The following PITPNC1 variants were observed in gnomAD, a reference collection of about 807,000 sequenced individuals.
PITPNC1 encodes cytoplasmic phosphatidylinositol transfer protein 1.
A neutral mutation model predicts 44.7 loss-of-function variants in PITPNC1; 18 were observed. The ratio of observed to expected loss-of-function variants is 0.40; its 90% CI spans 0.28 to 0.60. The LOEUF is 0.60. PITPNC1 is among the 20% of genes least tolerant of loss of function. The probability of loss-of-function intolerance (pLI) is 0.39; values close to 1 mark genes in which losing one functional copy is unlikely to be tolerated. For synonymous variants in PITPNC1, 141 were observed against 149.6 expected (o/e 0.94, Z 0.42); for missense variants, 290 against 418.4 (o/e 0.69, Z 2.68).
At chr17:67,691,102 CAAATAAATAAAT>C (rs71864063) in intron 8 of PITPNC1, among the ~76,000 whole-genome samples, 16 of 149,094 alleles carry the variant, frequency 1.1e-4, no homozygotes, top group South Asian at 4.3e-4. Context: ...GACTCTATCT[CAAATAAATAAAT>C]AAATAAATAA....
intron 1 of PITPNC1, chr17:67,378,864 G>C: frequency 4.4e-6 from 2 of 456,066 alleles, no homozygotes; most frequent in Non-Finnish European, 5.8e-6. Flanking sequence ...CGCGCGAGCC[G>C]GGAGCGGCGG....
At chr17:67,560,845 G>C (rs948025933) in intron 4 of PITPNC1, among the ~76,000 whole-genome samples, 1 of 152,190 alleles carries the variant, frequency 6.6e-6, no homozygotes, top group East Asian at 1.9e-4. Flanking sequence ...TTTTAAAATT[G>C]TTTGCATTTT....
chr17:67,498,897 A>T (rs1598745471), intron 1 of PITPNC1, among the ~76,000 whole-genome samples: 2 of 136,552 alleles, frequency 1.5e-5, no homozygotes, highest in Non-Finnish European at 3.1e-5. Context: ...TTTGAGATGG[A>T]GTCTTGCTCT....
Position 67,617,563 on chromosome 17 carries a change from C to G in PITPNC1, c.367-14580C>G, listed in dbSNP as rs141600918. On this transcript the variant is annotated intron_variant, in intron 5 of 8. Transcript: ENST00000581322. Reference sequence around the variant, plus strand: ...TAATAGTTTCCCAGGGCCGCCAAAACAAATCATCACAAATTGGGTGGTTTG... The same window carrying G: ...TAATAGTTTCCCAGGGCCGCCAAAAGAAATCATCACAAATTGGGTGGTTTG... Among the ~76,000 whole-genome samples the G allele has an allele frequency of 3.8e-3, 571 of 152,260 alleles. 2 individuals carry two copies. The highest frequency in any genetic ancestry group is 9.3e-3 in the South Asian group (45 of 4,822).
At position 67,692,601 on chromosome 17, in the gene PITPNC1, G is replaced by A; in HGVS notation, c.712G>A (p.Glu238Lys). ...GACAATGGATGAAGTCCGAGAATTT[G>A]AACGAGCCACTCAGGAAGCCACCAA... is the stretch of plus-strand genomic sequence containing the variant. ...DMTMDEVREF[E>K]RATQEATNKK... Residue 238 changes from glutamate (E) to lysine (K), a missense_variant, in exon 9 of 9, where the codon GAA becomes AAA. Glu to Lys is a moderately conservative substitution (Grantham distance 56). Transcript: ENST00000581322. 6.2e-7 allele frequency: 1 copy of A among 1,613,528 alleles called. No homozygotes were observed. Among genetic ancestry groups the A allele is most frequent in the Non-Finnish European group, 8.5e-7 (1 of 1,179,572 alleles).
At chr17:67,621,453 G>C (rs2642038) in intron 5 of PITPNC1, among the ~76,000 whole-genome samples, 6,415 of 152,060 alleles carry the variant, frequency 0.042, 307 homozygotes, top group African/African-American at 0.11. Context: ...AGTGATCCAC[G>C]TGCCTTGGCC....
chr17:67,477,329 C>G (rs1383483540), intron 1 of PITPNC1, among the ~76,000 whole-genome samples: 2 of 151,408 alleles, frequency 1.3e-5, no homozygotes, highest in Admixed American at 1.3e-4. Context: ...TCACTGCAAC[C>G]TCTGCCTCCC....
intron 1 of PITPNC1, among the ~76,000 whole-genome samples, chr17:67,488,726 C>A (rs1352353229): frequency 6.6e-6 from 1 of 152,204 alleles, no homozygotes; most frequent in Non-Finnish European, 1.5e-5. Flanking sequence ...TCAGTGGTAA[C>A]TGCCTGTTCC....
At chr17:67,534,084 G>A (rs1173313746) in intron 2 of PITPNC1, among the ~76,000 whole-genome samples, 1 of 151,778 alleles carries the variant, frequency 6.6e-6, no homozygotes, top group Admixed American at 6.6e-5. Flanking sequence ...TAGTAGAGAC[G>A]GGATTCCACC....
At chr17:67,627,215 C>T (rs760127181) in intron 5 of PITPNC1, among the ~76,000 whole-genome samples, 5 of 152,142 alleles carry the variant, frequency 3.3e-5, no homozygotes, top group Middle Eastern at 3.2e-3. Context: ...ATCGTGCCAT[C>T]GCACTCCAGC....
Position 67,394,083 on chromosome 17 carries a change from C to T in PITPNC1, c.48+15881C>T, listed in dbSNP as rs538276711. ...TCAAACTCCTGACCTCATGATCCAC[C>T]CATCTCAGCTTCCCAAAGTGCTGAG... On this transcript the variant is annotated intron_variant, in intron 1 of 8. Transcript: ENST00000581322. Among the ~76,000 whole-genome samples the T allele has an allele frequency of 2.0e-5, 3 of 152,230 alleles. No homozygotes were observed. The South Asian group carries it at 6.2e-4, about 32-fold the overall frequency.
At chr17:67,492,131 C>G (rs2039873884) in intron 1 of PITPNC1, among the ~76,000 whole-genome samples, 1 of 151,900 alleles carries the variant, frequency 6.6e-6, no homozygotes, top group Non-Finnish European at 1.5e-5. Context: ...CAGAAAAGTT[C>G]ATGCATGCAT....
chr17:67,463,274 G>C (rs1312955623), intron 1 of PITPNC1, among the ~76,000 whole-genome samples: 2 of 152,134 alleles, frequency 1.3e-5, no homozygotes, highest in African/African-American at 2.4e-5. Flanking sequence ...CTGATTGGTG[G>C]GTAGGGGGGA....
At chr17:67,603,942 T>TA (rs552519264) in intron 5 of PITPNC1, among the ~76,000 whole-genome samples, 3,783 of 135,140 alleles carry the variant, frequency 0.028, 90 homozygotes, top group Middle Eastern at 0.067. Flanking sequence ...CTCATAGATT[T>TA]AAAAAAAAAA....
chr17:67,614,891 T>C (rs1317044023), intron 5 of PITPNC1, among the ~76,000 whole-genome samples: 1 of 151,914 alleles, frequency 6.6e-6, no homozygotes, highest in Non-Finnish European at 1.5e-5. Context: ...GACGCCAGAA[T>C]TGATTCACGA....
At chr17:67,575,794 CCTTCTTT>C (rs1440281906) in intron 4 of PITPNC1, among the ~76,000 whole-genome samples, 3 of 17,320 alleles carry the variant, frequency 1.7e-4, no homozygotes, top group African/African-American at 4.3e-4. Context: ...TTCTTTCTTT[CCTTCTTT>C]CTTTCTTTCT....
In PITPNC1 at chr17:67,492,001, TC is replaced by T. The variant is rs1568011975; in HGVS notation, c.49-40800del. On this transcript the variant is annotated intron_variant, in intron 1 of 8. Coordinates refer to ENST00000581322, the MANE Select transcript of PITPNC1 (RefSeq NM_012417.4). The stretch of plus-strand genomic sequence containing the variant: ...ATCACGAGCGGTCTTCCTTTTTTTT[TC>T]TTTTTTTTTTAAAAAAAAAAAGATG... 1.7e-4 allele frequency among the ~76,000 whole-genome samples: 25 copies of T among 148,788 alleles called. 1 individual carries two copies. Among genetic ancestry groups the T allele is most frequent in the Non-Finnish European group, 3.0e-4 (20 of 66,646 alleles).
chr17:67,544,810 C>T lies in PITPNC1; in HGVS notation c.198-7447C>T, dbSNP rs985580734. 2.0e-5 allele frequency among the ~76,000 whole-genome samples: 3 copies of T among 152,190 alleles called. 1 individual carries two copies. Among genetic ancestry groups the T allele is most frequent in the African/African-American group, 7.2e-5 (3 of 41,440 alleles). Reference sequence around the variant, plus strand: ...GGTCTCTCTTTCCCATTTCTGCTTCCTGTTCTCCCAGATCTTCCCCAAAAT... The same window carrying T: ...GGTCTCTCTTTCCCATTTCTGCTTCTTGTTCTCCCAGATCTTCCCCAAAAT... On this transcript the variant is annotated intron_variant, in intron 2 of 8. Transcript: ENST00000581322.
At chr17:67,563,930 G>T (rs893609076) in intron 4 of PITPNC1, among the ~76,000 whole-genome samples, 2 of 152,126 alleles carry the variant, frequency 1.3e-5, no homozygotes, top group African/African-American at 4.8e-5. Flanking sequence ...TAGATATGTA[G>T]ATTAGATAGA....
Sources: allele counts gnomAD v4.1 joint callset (sites outside exome capture counted in the v4.1 genomes callset), GRCh38; gene constraint gnomAD v4.1.1; transcripts MANE v1.5; gene names NCBI Gene and HGNC (gene_info 2026-07-23, HGNC 2026-07-21).